Variants in ZNF717 observed in about 807,000 individuals in gnomAD.
The protein encoded by ZNF717 is krueppel-like factor X17.
ZNF717 carries 9 observed loss-of-function variants against 13.8 expected under a neutral mutation model. The observed-to-expected ratio is 0.65, with a 90% CI of 0.39 to 1.14. The LOEUF (loss-of-function observed/expected upper bound fraction) is 1.14, where lower values mean the gene tolerates loss of function less well. Among genes scored for constraint, ZNF717 ranks in the 50% most tolerant of loss-of-function variants. The probability of loss-of-function intolerance (pLI) is 0.01; values close to 1 mark genes in which losing one functional copy is unlikely to be tolerated. For missense variants in ZNF717, 1,040 were observed against 1,080.7 expected, an observed-to-expected ratio of 0.96 and a Z score of 0.53; for synonymous variants, 327 against 364.1, an observed-to-expected ratio of 0.90 and a Z score of 1.16.
At chr3:75,720,746 G>A (rs1303789022) in intron 4 of ZNF717, among the ~76,000 whole-genome samples, 1 of 152,214 alleles carries the variant, frequency 6.6e-6, no homozygotes, top group Non-Finnish European at 1.5e-5. Context: ...GCTTTGAGAA[G>A]CCGAGGCAGG....
intron 2 of ZNF717, among the ~76,000 whole-genome samples, chr3:75,762,231 A>C (rs1943094535): frequency 6.6e-6 from 1 of 152,052 alleles, no homozygotes. Context: ...CTGAGGTCAC[A>C]AGTTCAAGAC....
At chr3:75,729,577 T>G (rs1281144819), downstream of ZNF717, among the ~76,000 whole-genome samples, 1 of 139,986 alleles carries the variant, frequency 7.1e-6, no homozygotes, top group Non-Finnish European at 1.5e-5. Flanking sequence ...ATTGTGCCAT[T>G]GCACTCCAGC....
intron 2 of ZNF717, among the ~76,000 whole-genome samples, chr3:75,762,886 T>C (rs6788535): frequency 0.26 from 40,097 of 151,882 alleles, 5,812 homozygotes; most frequent in African/African-American, 0.39. Context: ...CATAAACCAA[T>C]CCTGGCATAT....
chr3:75,755,467 AT>A (rs1346602401), intron 2 of ZNF717, among the ~76,000 whole-genome samples: 11 of 151,944 alleles, frequency 7.2e-5, no homozygotes, highest in African/African-American at 2.4e-4. Flanking sequence ...GTATTTATTC[AT>A]AATTGATCTG....
intron 2 of ZNF717, among the ~76,000 whole-genome samples, chr3:75,776,308 A>G (rs1944313563): frequency 6.6e-6 from 1 of 152,270 alleles, no homozygotes. Context: ...GGTTTGTCAA[A>G]CCTATATTCC....
intron 2 of ZNF717, among the ~76,000 whole-genome samples, chr3:75,756,550 A>G (rs2107504028): frequency 6.6e-6 from 1 of 152,410 alleles, no homozygotes; most frequent in South Asian, 2.1e-4. Context: ...GTACTACTCC[A>G]GTGAACACAT....
At position 75,737,487 on chromosome 3, in the gene ZNF717, G is replaced by C. The variant is rs1169341180; in HGVS notation, c.2136C>G (p.Phe712Leu). The C allele has an allele frequency of 1.3e-6, 2 of 1,554,626 alleles. No homozygotes were observed. The highest frequency in any genetic ancestry group is 1.7e-6 in the Non-Finnish European group (2 of 1,148,782). ...TGCTTCTGAAGATTTGCCTTCTGAT[G>C]AAAGGATTTTCCACATTCATTACAT... is the stretch of plus-strand genomic sequence containing the variant. ...PMNVMNVENP[F>L]IRRQIFRSIK... The change falls in exon 5 of 5, where the codon TTC becomes TTG. Residue 712 changes from phenylalanine (F) to leucine (L), a missense_variant. Around this residue, in one of 3 missense-constraint regions of ZNF717, gnomAD observed 873 missense variants for 832.8 expected, o/e 1.05. Coordinates refer to ENST00000652011, the MANE Select transcript of ZNF717 (RefSeq NM_001290208.3).
intron 2 of ZNF717, among the ~76,000 whole-genome samples, chr3:75,781,783 A>G (rs1206639189): frequency 1.3e-5 from 2 of 152,202 alleles, no homozygotes; most frequent in East Asian, 3.9e-4. Flanking sequence ...TTACTCAGAG[A>G]TAGTATCATA....
At chr3:75,746,858 G>C (rs377557606) in intron 2 of ZNF717, among the ~76,000 whole-genome samples, 5 of 152,120 alleles carry the variant, frequency 3.3e-5, no homozygotes, top group African/African-American at 4.8e-5. Context: ...GCAAAAGCTC[G>C]TTAGTTTAAT....
intron 6 of ZNF717, among the ~76,000 whole-genome samples, chr3:75,695,987 G>A (rs1458262772): frequency 1.3e-5 from 2 of 152,256 alleles, no homozygotes; most frequent in African/African-American, 4.8e-5. Flanking sequence ...AGTAAATAAA[G>A]TTAAAATGAA....
rs1236375545 is a variant in ZNF717, at chr3:75,738,281, C to T, written c.1342G>A (p.Glu448Lys). 4 of 1,552,660 alleles carry T rather than the reference C, an allele frequency of 2.6e-6. No homozygotes were observed. Among genetic ancestry groups the T allele is most frequent in the South Asian group, 1.2e-5 (1 of 84,854 alleles). Residue 448 changes from glutamate to lysine, a missense_variant, in exon 5 of 5, where the codon GAA (glutamate) becomes AAA (lysine). Physicochemically the swap from Glu to Lys is moderately conservative, Grantham distance 56 (BLOSUM62 1). This residue lies in a region of ZNF717 where 873 missense variants were observed against 832.8 expected (regional missense o/e 1.05). Coordinates refer to ENST00000652011, the MANE Select transcript of ZNF717 (RefSeq NM_001290208.3). The part of the protein sequence containing the change: ...LTVHQRTHTG[E>K]KPYECNECGK... ...CACTCATTACATTCATACGGTTTTT[C>T]CCCTGTGTGTGTTCTCTGATGGACA...
chr3:75,754,036 A>G (rs1032925925), intron 2 of ZNF717, among the ~76,000 whole-genome samples: 1 of 152,268 alleles, frequency 6.6e-6, no homozygotes, highest in Non-Finnish European at 1.5e-5. Flanking sequence ...TGTCCCTGAC[A>G]TAGGATTCCT....
chr3:75,768,593 T>A (rs886294269), intron 2 of ZNF717, among the ~76,000 whole-genome samples: 3 of 138,986 alleles, frequency 2.2e-5, no homozygotes, highest in African/African-American at 8.2e-5. Flanking sequence ...TCACTGCGGC[T>A]GAGTGTGGGA....
chr3:75,732,781 T>C (rs1178599990), downstream of ZNF717, among the ~76,000 whole-genome samples: 31 of 152,370 alleles, frequency 2.0e-4, no homozygotes, highest in African/African-American at 6.0e-4. Context: ...CATTACTGGA[T>C]GCACTGTTAC....
rs1367506084 is a variant in ZNF717, at chr3:75,741,738, T to C, written c.58-2A>G. On this transcript the variant is annotated splice_acceptor_variant, in intron 2 of 4. Transcript: ENST00000652011. LOFTEE classifies it high-confidence loss of function. ...TACCTCCTCAAAGGACACCAACTCC[T>C]GTAATGATACCAGGCTGTTGTAGGT... 5.1e-6 allele frequency: 8 copies of C among 1,574,734 alleles called. No homozygotes were observed. In the Admixed American group the frequency reaches 1.6e-4, roughly 31 times the overall value.
chr3:75,708,134 G>T (rs1365129265), downstream of ZNF717, among the ~76,000 whole-genome samples: 3 of 152,254 alleles, frequency 2.0e-5, no homozygotes, highest in African/African-American at 7.2e-5. Flanking sequence ...GGAGATCTGA[G>T]AACGGGCAGA....
intron 2 of ZNF717, among the ~76,000 whole-genome samples, chr3:75,778,183 GA>G (rs1944485497): frequency 6.6e-6 from 1 of 151,176 alleles, no homozygotes; most frequent in Non-Finnish European, 1.5e-5. Context: ...TGCTAAACTA[GA>G]AACCCAAAAC....
At chr3:75,739,957 C>T (rs926674623) in intron 4 of ZNF717, among the ~76,000 whole-genome samples, 1 of 152,174 alleles carries the variant, frequency 6.6e-6, no homozygotes, top group Non-Finnish European at 1.5e-5. Flanking sequence ...CTGGCAAATT[C>T]CTACTTAAAC....
At chr3:75,702,696 A>G (rs1277141581) in intron 6 of ZNF717, among the ~76,000 whole-genome samples, 6 of 152,420 alleles carry the variant, frequency 3.9e-5, no homozygotes, top group African/African-American at 1.4e-4. Context: ...TACTCATTGC[A>G]TGCCTGTGTC....
Sources: gnomAD v4.1 joint callset for allele counts (sites outside exome capture counted in the v4.1 genomes callset) on GRCh38, gnomAD v4.1.1 for gene constraint, gnomAD v4.1.1 regional missense constraint, MANE v1.5 for transcripts, NCBI Gene and HGNC (gene_info 2026-07-23, HGNC 2026-07-21) for gene names.